IKZF5: variants seen among roughly 807,000 people sequenced by gnomAD.
The protein encoded by IKZF5 is IKAROS family zinc finger 5.
In IKZF5, 4 loss-of-function variants were observed where a neutral mutation model predicts 30.7. The ratio of observed to expected loss-of-function variants is 0.13; its 90% CI spans 0.06 to 0.30. IKZF5 has a LOEUF of 0.30. IKZF5 is among the 10% of genes least tolerant of loss of function. IKZF5 has a pLI of 1.00. For missense variants in IKZF5, 348 were observed against 525.5 expected, an observed-to-expected ratio of 0.66 and a Z score of 3.30; for synonymous variants, 148 against 179.6, an observed-to-expected ratio of 0.82 and a Z score of 1.41.
chr10:122,993,734 C>A lies in IKZF5; in HGVS notation c.*46G>T. On this transcript the variant is annotated 3_prime_UTR_variant, in exon 5 of 5. Coordinates refer to ENST00000368886, the MANE Select transcript of IKZF5 (RefSeq NM_001372123.1). ...GACCAAAACAAAAAACAAAAAAAAC[C>A]AAACCACAAAAACAGCAAAACTAAG... The A allele has an allele frequency of 3.5e-6, 5 of 1,419,680 alleles. No homozygotes were observed. The highest frequency in any genetic ancestry group is 4.8e-6 in the Non-Finnish European group (5 of 1,045,956). 87.9% of individuals were successfully genotyped at this position (1,419,680 alleles called of 1,614,324 possible).
chr10:122,994,290 G>T lies in IKZF5; in HGVS notation c.750C>A (p.Asn250Lys), dbSNP rs1442703108. 1.2e-6 allele frequency: 2 copies of T among 1,613,964 alleles called. No individual in the cohort carries two copies. The highest frequency in any genetic ancestry group is 2.7e-5 in the African/African-American group (2 of 74,896). ...CTAGAGTCGAGAGCTGATTCAAAGGGTTATCAACCATGAGTTCTTGGGGGT... is the reference window on the plus strand; with the variant it reads ...CTAGAGTCGAGAGCTGATTCAAAGGTTTATCAACCATGAGTTCTTGGGGGT... The part of the protein sequence containing the change: ...PRDPQELMVD[N>K]PLNQLSTLAG... Residue 250 changes from asparagine (N) to lysine (K), a missense_variant, in exon 5 of 5, where the codon AAC becomes AAA. Transcript: ENST00000368886. This position sits in a 1 kb window ranked among gnomAD's most constrained non-coding sequence, Gnocchi z 5.6.
chr10:122,993,730 A>G lies in IKZF5; in HGVS notation c.*50T>C. 1.4e-6 allele frequency: 2 copies of G among 1,393,662 alleles called. No homozygotes were observed. The highest frequency in any genetic ancestry group is 2.8e-5 in the South Asian group (2 of 71,540). The allele number at this position is 1,393,662 out of a possible 1,614,324, so 86.3% of individuals were successfully genotyped here. A position where few individuals can be genotyped will look rare whatever the true frequency, so the allele number is the denominator to read the frequency against. On this transcript the variant is annotated 3_prime_UTR_variant, in exon 5 of 5. Coordinates refer to ENST00000368886, the MANE Select transcript of IKZF5 (RefSeq NM_001372123.1). ...GGATGACCAAAACAAAAAACAAAAA[A>G]AACCAAACCACAAAAACAGCAAAAC...
At position 122,996,125 on chromosome 10, in the gene IKZF5, G is replaced by T; in HGVS notation, c.185C>A (p.Ser62Tyr). The T allele has an allele frequency of 5.0e-6, 8 of 1,613,992 alleles. No individual in the cohort carries two copies. The highest frequency in any genetic ancestry group is 6.8e-6 in the Non-Finnish European group (8 of 1,179,982). The change falls in exon 4 of 5, where the codon TCC becomes TAC. Residue 62 changes from serine (S) to tyrosine (Y), a missense_variant. Transcript: ENST00000368886. The part of the protein sequence containing the change: ...NGLDHPSVEV[S>Y]LDENSGMLVD... ...TAACATTCCTGAGTTTTCATCCAAG[G>T]AAACTTCAACAGATGGGTGATCAAG...
chr10:122,997,670 T>A (rs541710130), intron 3 of IKZF5, among the ~76,000 whole-genome samples: 2 of 152,316 alleles, frequency 1.3e-5, no homozygotes, highest in South Asian at 4.1e-4. Context: ...AGTAAATACT[T>A]CAGGCTTTGT....
Position 122,993,673 on chromosome 10 carries a change from T to G in IKZF5, c.*107A>C. 1 of 655,654 alleles carries G rather than the reference T, an allele frequency of 1.5e-6. No homozygotes were observed. Among genetic ancestry groups the G allele is most frequent in the East Asian group, 2.7e-5 (1 of 36,574 alleles). 40.6% of individuals were successfully genotyped at this position (655,654 alleles called of 1,614,324 possible). On this transcript the variant is annotated 3_prime_UTR_variant, in exon 5 of 5. Transcript: ENST00000368886. ...AAATTTATATTCTATAAATATAATG[T>G]ATAAGCCTTGAATTAGCAGACACTT...
rs1170832742 is a variant in IKZF5 at position 122,998,531 on chromosome 10, G to A, written c.95C>T (p.Ser32Leu). 1 of 1,613,316 alleles carries A rather than the reference G, an allele frequency of 6.2e-7. No individual in the cohort carries two copies. Among genetic ancestry groups the A allele is most frequent in the South Asian group, 1.1e-5 (1 of 90,950 alleles). The stretch of plus-strand genomic sequence containing the variant: ...CTCTGCTTCTTTGTCCCCACTAACT[G>A]ATCCAGAAATCATGTTCACGTGATG... ...QTHHVNMISG[S>L]VSGDKEAEAL... Residue 32 changes from serine to leucine, a missense_variant, in exon 3 of 5, where the codon TCA becomes TTA. Transcript: ENST00000368886.
In IKZF5 at chr10:122,993,959, G is replaced by A. The variant is rs1359029503; in HGVS notation, c.1081C>T (p.Gln361Ter). 3.1e-6 allele frequency: 5 copies of A among 1,614,060 alleles called. No individual in the cohort carries two copies. The highest frequency in any genetic ancestry group is 4.2e-6 in the Non-Finnish European group (5 of 1,180,034). ...CAGTGCTGGCAGTGGTGCAGAAGCT[G>A]AGGGTCCTGGACCGGCAGGGCTGGG... ...PAPALPVQDP[Q>*]LLHHCQHCDM... The change falls in exon 5 of 5, where the codon CAG becomes TAG. Residue 361 changes from glutamine to a stop codon, truncating the protein, a stop_gained. Coordinates refer to ENST00000368886, the MANE Select transcript of IKZF5 (RefSeq NM_001372123.1). LOFTEE classifies it high-confidence loss of function.
rs777353468 is a variant in IKZF5 at position 122,993,378 on chromosome 10, G to A, written c.*402C>T. On this transcript the variant is annotated 3_prime_UTR_variant, in exon 5 of 5. Coordinates refer to ENST00000368886, the MANE Select transcript of IKZF5 (RefSeq NM_001372123.1). ...ACTGAAATGAGTAGTAATAAATTCT[G>A]TAATTTATTCTACCATTTTGAAATA... The A allele has an allele frequency of 3.2e-5, 5 of 154,520 alleles. No homozygotes were observed. The highest frequency in any genetic ancestry group is 5.8e-5 in the Non-Finnish European group (4 of 69,450). The allele number at this position is 154,520 out of a possible 1,614,324, so 9.6% of individuals were successfully genotyped here.
At chr10:122,995,757 G>C (rs1486660286) in intron 4 of IKZF5, among the ~76,000 whole-genome samples, 1 of 152,122 alleles carries the variant, frequency 6.6e-6, no homozygotes, top group Non-Finnish European at 1.5e-5. Context: ...AGATTATTTG[G>C]ATCAAGAGGG....
chr10:122,994,077 T>C lies in IKZF5; in HGVS notation c.963A>G (p.Gln321=). 1.2e-6 allele frequency: 2 copies of C among 1,614,132 alleles called. No homozygotes were observed. The highest frequency in any genetic ancestry group is 1.7e-6 in the Non-Finnish European group (2 of 1,180,030). The change falls in exon 5 of 5, where the codon CAA becomes CAG. Residue 321 remains glutamine, a synonymous_variant. Transcript: ENST00000368886. This position sits in a 1 kb window ranked among gnomAD's most constrained non-coding sequence, Gnocchi z 5.6. ...GACCTGCCACTGGACTATAGTTCCTTTGACTATGGGATGGCCGAGGTTCTG... is the reference window on the plus strand; with the variant it reads ...GACCTGCCACTGGACTATAGTTCCTCTGACTATGGGATGGCCGAGGTTCTG... The part of the protein sequence containing the change: ...TSPEPRPSHS[Q]RNYSPVAGPS...
At position 122,994,938 on chromosome 10, in the gene IKZF5, T is replaced by C. The variant is rs577133902; in HGVS notation, c.317-215A>G. 9.7e-5 allele frequency: 54 copies of C among 554,698 alleles called. No homozygotes were observed. The highest frequency in any genetic ancestry group is 6.8e-4 in the African/African-American group (36 of 52,948). 34.4% of individuals were successfully genotyped at this position (554,698 alleles called of 1,614,324 possible). A position where few individuals can be genotyped will look rare whatever the true frequency, so the allele number is the denominator to read the frequency against. ...CATCAGCAACAACCTGAAATATGCA[T>C]TGATGTTGTATTAGTCAATACAGTA... On this transcript the variant is annotated intron_variant, in intron 4 of 4. Coordinates refer to ENST00000368886, the MANE Select transcript of IKZF5 (RefSeq NM_001372123.1). This position sits in a 1 kb window ranked among gnomAD's most constrained non-coding sequence, Gnocchi z 5.6.
chr10:122,993,714 AAAC>A lies in IKZF5; in HGVS notation c.*63_*65del. 1 of 1,141,976 alleles carries A rather than the reference AAAC, an allele frequency of 8.8e-7. No homozygotes were observed. The highest frequency in any genetic ancestry group is 1.3e-6 in the Non-Finnish European group (1 of 796,752). 70.7% of individuals were successfully genotyped at this position (1,141,976 alleles called of 1,614,324 possible). ...GCAGACACTTTATTAGGGATGACCAAAACAAAAAACAAAAAAAACCAAACCACA... is the reference window on the plus strand; with the variant it reads ...GCAGACACTTTATTAGGGATGACCAAAAAAAACAAAAAAAACCAAACCACA... On this transcript the variant is annotated 3_prime_UTR_variant, in exon 5 of 5. Coordinates refer to ENST00000368886, the MANE Select transcript of IKZF5 (RefSeq NM_001372123.1).
intron 3 of IKZF5, 151 bp from the exon 4 acceptor site, chr10:122,996,327 C>G: frequency 1.5e-6 from 1 of 645,174 alleles, no homozygotes; most frequent in Non-Finnish European, 2.7e-6. Context: ...TGAACTGAGG[C>G]TAATTTTATA....
At chr10:122,998,233 G>A (rs1016273941) in intron 3 of IKZF5, 12 of 305,262 alleles carry the variant, frequency 3.9e-5, no homozygotes, top group Non-Finnish European at 5.4e-5. Flanking sequence ...TCTAATGGTA[G>A]CTCATAAAAA....
At chr10:123,005,798 C>A (rs10902858) in intron 2 of IKZF5, among the ~76,000 whole-genome samples, 21,589 of 152,178 alleles carry the variant, frequency 0.14, 1,643 homozygotes, top group South Asian at 0.23. Context: ...ACCTGATCTG[C>A]TGGCACCTTC....
chr10:123,004,449 G>A (rs1849710031), intron 2 of IKZF5, among the ~76,000 whole-genome samples: 1 of 151,964 alleles, frequency 6.6e-6, no homozygotes, highest in Non-Finnish European at 1.5e-5. Context: ...AAAGCAAGCA[G>A]AAGAAAATGA....
At chr10:123,006,529 C>T (rs931982099) in intron 2 of IKZF5, among the ~76,000 whole-genome samples, 1 of 152,096 alleles carries the variant, frequency 6.6e-6, no homozygotes, top group Admixed American at 6.5e-5. Context: ...ACCTATCTTC[C>T]TTCTTCCTTC....
chr10:123,002,590 C>T (rs1469617169), intron 2 of IKZF5, among the ~76,000 whole-genome samples: 3 of 150,862 alleles, frequency 2.0e-5, no homozygotes, highest in South Asian at 2.1e-4. Flanking sequence ...TTTGGGAGGC[C>T]GAGGCAGGCA....
chr10:123,008,752 G>GCCGTCTTCGTCA lies in IKZF5; in HGVS notation c.-268_-257dup, dbSNP rs1849930678. ...CTTGTTAAATGCCGTCGCCGCCGCC[G>GCCGTCTTCGTCA]CCGTCTTCGTCACCGTCACAGTCGC... On this transcript the variant is annotated 5_prime_UTR_variant, in exon 1 of 5. Coordinates refer to ENST00000368886, the MANE Select transcript of IKZF5 (RefSeq NM_001372123.1). The GCCGTCTTCGTCA allele has an allele frequency of 1.7e-6, 1 of 594,124 alleles. No individual in the cohort carries two copies. The highest frequency in any genetic ancestry group is 3.0e-6 in the Non-Finnish European group (1 of 332,290). 36.8% of individuals were successfully genotyped at this position (594,124 alleles called of 1,614,324 possible). A position where few individuals can be genotyped will look rare whatever the true frequency, so the allele number is the denominator to read the frequency against.
Sources: gnomAD v4.1 joint callset for allele counts (sites outside exome capture counted in the v4.1 genomes callset) on GRCh38, gnomAD v4.1.1 for gene constraint, Gnocchi (gnomAD v3.1) non-coding constraint, MANE v1.5 for transcripts, NCBI Gene and HGNC (gene_info 2026-07-23, HGNC 2026-07-21) for gene names.